PTPRN2: variants seen among roughly 807,000 people sequenced by gnomAD.
PTPRN2 encodes receptor-type tyrosine-protein phosphatase N2.
In PTPRN2, 74 loss-of-function variants were observed where a neutral mutation model predicts 118.8. The ratio of observed to expected loss-of-function variants is 0.62; its 90% confidence interval spans 0.52 to 0.76. The LOEUF is 0.76. PTPRN2 is among the 30% of genes least tolerant of loss of function. The pLI, the probability that PTPRN2 is intolerant of heterozygous loss-of-function variation, is 0.00. For missense variants in PTPRN2, 1,481 were observed against 1,394.4 expected, an observed-to-expected ratio of 1.06 and a Z score of -0.99; for synonymous variants, 641 against 608.0, an observed-to-expected ratio of 1.05 and a Z score of -0.80.
chr7:157,643,380 C>T (rs1585157109), intron 14 of PTPRN2, among the ~76,000 whole-genome samples: 1 of 152,350 alleles, frequency 6.6e-6, no homozygotes, highest in East Asian at 1.9e-4. Context: ...AGTCAAATCA[C>T]TCCCCCTCCC....
At chr7:157,933,393 TCTGA>T (rs753007169) in intron 11 of PTPRN2, among the ~76,000 whole-genome samples, 11 of 146,438 alleles carry the variant, frequency 7.5e-5, no homozygotes, top group African/African-American at 2.3e-4. Context: ...GGTGAGTCAC[TCTGA>T]CTGACAGTTT....
intron 3 of PTPRN2, among the ~76,000 whole-genome samples, chr7:158,240,123 C>G (rs1190027541): frequency 6.6e-6 from 1 of 152,154 alleles, no homozygotes; most frequent in Non-Finnish European, 1.5e-5. Context: ...TTTGATGGAA[C>G]AAGCAGTGTC....
intron 3 of PTPRN2, among the ~76,000 whole-genome samples, chr7:158,220,419 T>C (rs1379492430): frequency 6.6e-6 from 1 of 152,046 alleles, no homozygotes; most frequent in East Asian, 1.9e-4. Context: ...TAGAAACCCC[T>C]AAAAACTCTG....
In PTPRN2 at chr7:158,468,971, AACACTATGCACACCCATGCACACTCCCG is replaced by A. The variant is rs1375543171; in HGVS notation, c.163+20736_163+20763del. ...CACCCACACACACTCCGGGTGGATC[AACACTATGCACACCCATGCACACTCCCG>A]GTGGATCAACACTATGCACACCCAC... is the stretch of plus-strand genomic sequence containing the variant. On this transcript the variant is annotated intron_variant, in intron 2 of 22. Coordinates refer to ENST00000389418, the MANE Select transcript of PTPRN2 (RefSeq NM_002847.5). Among the ~76,000 whole-genome samples the A allele has an allele frequency of 5.5e-4, 84 of 151,902 alleles. 1 individual carries two copies. Among genetic ancestry groups the A allele is most frequent in the South Asian group, 1.0e-3 (5 of 4,806 alleles).
In PTPRN2 at chr7:157,598,837, A is replaced by T. The variant is rs1411749698; in HGVS notation, c.2419-3522T>A. On this transcript the variant is annotated intron_variant, in intron 16 of 22. Transcript: ENST00000389418. The surrounding 1 kb of genome is among the most constrained non-coding windows in gnomAD (Gnocchi z 5.2). ...AGTGGTGTGCGGGGCCAAGCATCTG[A>T]ATGGCGAGGTGCGGTCATTTCTGAG... Among the ~76,000 whole-genome samples, 1 of 152,114 alleles carries T rather than the reference A, an allele frequency of 6.6e-6. No homozygotes were observed. The highest frequency in any genetic ancestry group is 6.5e-5 in the Admixed American group (1 of 15,268).
intron 10 of PTPRN2, among the ~76,000 whole-genome samples, chr7:158,085,765 C>T: frequency 6.8e-6 from 1 of 147,072 alleles, no homozygotes; most frequent in East Asian, 2.1e-4. Context: ...CCCATCCACA[C>T]CCATGACGCC....
intron 2 of PTPRN2, among the ~76,000 whole-genome samples, chr7:158,420,719 C>T (rs975187842): frequency 2.0e-5 from 3 of 152,178 alleles, no homozygotes; most frequent in Non-Finnish European, 4.4e-5. Flanking sequence ...CCCCATCATC[C>T]GAGTGGGCTT....
chr7:158,207,729 A>G (rs969481737), intron 3 of PTPRN2, among the ~76,000 whole-genome samples: 1 of 152,204 alleles, frequency 6.6e-6, no homozygotes, highest in Admixed American at 6.5e-5. Context: ...CTCAGACACC[A>G]ACAAACATCC....
chr7:158,153,401 A>C (rs1324241777), intron 6 of PTPRN2, among the ~76,000 whole-genome samples: 1 of 152,154 alleles, frequency 6.6e-6, no homozygotes, highest in Non-Finnish European at 1.5e-5. Context: ...CGGCAAAATT[A>C]AAGGAGCGAA....
intron 3 of PTPRN2, among the ~76,000 whole-genome samples, chr7:158,213,554 C>T (rs1827760273): frequency 2.0e-5 from 3 of 152,018 alleles, no homozygotes; most frequent in South Asian, 4.2e-4. Flanking sequence ...AGAAAACAGG[C>T]CCCACACTCA....
At chr7:157,991,247 G>A (rs935953258) in intron 11 of PTPRN2, among the ~76,000 whole-genome samples, 1 of 152,328 alleles carries the variant, frequency 6.6e-6, no homozygotes, top group African/African-American at 2.4e-5. Flanking sequence ...TCCCATCCTC[G>A]GAGGGTGGCT....
At chr7:158,419,230 C>T (rs541981461) in intron 2 of PTPRN2, among the ~76,000 whole-genome samples, 2 of 152,328 alleles carry the variant, frequency 1.3e-5, no homozygotes, top group African/African-American at 2.4e-5. Flanking sequence ...TGTAGACCCA[C>T]CTTTCTGAAA....
intron 3 of PTPRN2, among the ~76,000 whole-genome samples, chr7:158,226,591 G>A (rs1019247053): frequency 2.0e-4 from 30 of 152,000 alleles, no homozygotes; most frequent in Admixed American, 3.9e-4. Flanking sequence ...CATGCAACAC[G>A]TCAACACTTA....
At chr7:158,549,444 G>A (rs1294681886) in intron 1 of PTPRN2, among the ~76,000 whole-genome samples, 2 of 152,244 alleles carry the variant, frequency 1.3e-5, no homozygotes, top group African/African-American at 2.4e-5. Context: ...GAACCCCAGG[G>A]ATGGCGCCTC....
intron 11 of PTPRN2, among the ~76,000 whole-genome samples, chr7:158,070,097 C>G (rs903112262): frequency 6.6e-6 from 1 of 152,240 alleles, no homozygotes; most frequent in African/African-American, 2.4e-5. Flanking sequence ...CCAGGCAGGG[C>G]TGGAGAGGCT....
At chr7:157,771,353 T>C (rs1473169525) in intron 12 of PTPRN2, among the ~76,000 whole-genome samples, 3 of 152,236 alleles carry the variant, frequency 2.0e-5, no homozygotes, top group East Asian at 1.9e-4. Flanking sequence ...TATGCAGATA[T>C]AGATTCCTGG....
chr7:158,487,368 C>T (rs994227635), intron 2 of PTPRN2, among the ~76,000 whole-genome samples: 11 of 152,136 alleles, frequency 7.2e-5, no homozygotes, highest in African/African-American at 1.4e-4. Flanking sequence ...CCCTCAGCAA[C>T]GACGCCATTT....
At chr7:157,798,700 C>T (rs551196516) in intron 12 of PTPRN2, among the ~76,000 whole-genome samples, 23 of 152,276 alleles carry the variant, frequency 1.5e-4, no homozygotes, top group East Asian at 9.6e-4. Flanking sequence ...ACTTTATGTT[C>T]GTTTTATTAA....
intron 11 of PTPRN2, among the ~76,000 whole-genome samples, chr7:158,033,178 G>A (rs1328586833): frequency 1.0e-4 from 8 of 77,930 alleles, no homozygotes; most frequent in African/African-American, 3.4e-4. Flanking sequence ...TGGGGGCCAC[G>A]AATAAAGCCT....
Sources: gnomAD v4.1 joint callset for allele counts (sites outside exome capture counted in the v4.1 genomes callset) on GRCh38, gnomAD v4.1.1 for gene constraint, Gnocchi (gnomAD v3.1) non-coding constraint, MANE v1.5 for transcripts, NCBI Gene and HGNC (gene_info 2026-07-23, HGNC 2026-07-21) for gene names.